The following GYS1 variants were observed in gnomAD, a reference collection of about 807,000 sequenced individuals.
GYS1 encodes glycogen [starch] synthase, muscle.
A neutral mutation model predicts 89.1 loss-of-function variants in GYS1; 60 were observed. That is an observed-to-expected ratio of 0.67 (90% CI 0.55 to 0.84). The LOEUF (loss-of-function observed/expected upper bound fraction) is 0.84. Among genes scored for constraint, GYS1 ranks in the 40% least tolerant of loss-of-function variants. GYS1 has a pLI of 0.00. For missense variants in GYS1, 888 were observed against 1,003.1 expected, an observed-to-expected ratio of 0.89 and a Z score of 1.55; for synonymous variants, 366 against 401.7, an observed-to-expected ratio of 0.91 and a Z score of 1.06.
intron 8 of GYS1, 160 bp downstream of exon 8, chr19:48,981,370 A>G: frequency 7.7e-6 from 5 of 648,272 alleles, no homozygotes; most frequent in Non-Finnish European, 1.1e-5. Flanking sequence ...CCAAGATCGC[A>G]CCACTACACT....
At position 48,982,263 on chromosome 19, in the gene GYS1, G is replaced by T; in HGVS notation, c.1054C>A (p.Leu352Met). The change falls in exon 7 of 16, where the codon CTG (leucine) becomes ATG (methionine). Residue 352 changes from leucine to methionine, a missense_variant. Coordinates refer to ENST00000323798, the MANE Select transcript of GYS1 (RefSeq NM_002103.5). ...CATAGCCCAGGCCTCACTCTGAGCA[G>T]ATAGTTGAGCCGAGCCAATGCCTCC... Reference protein sequence around the residue: ...FLEALARLNYLLRVNGSEQTV... With the variant: ...FLEALARLNYMLRVNGSEQTV... 6.2e-7 allele frequency: 1 copy of T among 1,613,668 alleles called. No individual in the cohort carries two copies. The highest frequency in any genetic ancestry group is 8.5e-7 in the Non-Finnish European group (1 of 1,179,784).
At chr19:48,987,593 T>G (rs978029107) in intron 2 of GYS1, among the ~76,000 whole-genome samples, 4 of 152,192 alleles carry the variant, frequency 2.6e-5, no homozygotes, top group Non-Finnish European at 5.9e-5. Flanking sequence ...GCTACACATT[T>G]TTTCCATCTC....
chr19:48,982,552 A>C (rs2038782969), intron 6 of GYS1, among the ~76,000 whole-genome samples, 168 bp downstream of exon 6: 1 of 151,910 alleles, frequency 6.6e-6, no homozygotes, highest in Admixed American at 6.6e-5. Context: ...ATTTCCTTTA[A>C]TCCTGAGCCC....
At chr19:48,992,419 G>A (rs1273966530) in intron 1 of GYS1, among the ~76,000 whole-genome samples, 3 of 131,704 alleles carry the variant, frequency 2.3e-5, no homozygotes, top group South Asian at 2.3e-4. Flanking sequence ...ATGTGTCCCA[G>A]GCCATGGGCT....
chr19:48,971,880 G>A (rs1600131645), intron 12 of GYS1, among the ~76,000 whole-genome samples: 2 of 140,626 alleles, frequency 1.4e-5, no homozygotes, highest in African/African-American at 2.7e-5. Flanking sequence ...TTTTTTTCTC[G>A]AGACAAGGTC....
chr19:48,975,901 G>C (rs1456603625), intron 10 of GYS1, among the ~76,000 whole-genome samples: 4 of 111,664 alleles, frequency 3.6e-5, no homozygotes, highest in Non-Finnish European at 6.6e-5. Context: ...GACAGAGCGA[G>C]ACTCCGTCTC....
In GYS1 at chr19:48,974,634, C is replaced by T. The variant is rs768930176; in HGVS notation, c.1408G>A (p.Ala470Thr). The T allele has an allele frequency of 1.2e-6, 2 of 1,612,922 alleles. No individual in the cohort carries two copies. Among genetic ancestry groups the T allele is most frequent in the Admixed American group, 1.7e-5 (1 of 59,994 alleles). The change falls in exon 11 of 16, where the codon GCC (alanine) becomes ACC (threonine). Residue 470 changes from alanine to threonine, a missense_variant. Coordinates refer to ENST00000323798, the MANE Select transcript of GYS1 (RefSeq NM_002103.5). ...IRRIGLFNSS[A>T]DRVKVIFHPE... ...AATGCCCTCACCTTCACCCTGTCGG[C>T]ACTGCTATTGAAGAGGCCGATTCGG... is the stretch of plus-strand genomic sequence containing the variant.
chr19:48,978,720 C>T (rs548755375), intron 8 of GYS1, among the ~76,000 whole-genome samples: 3 of 152,030 alleles, frequency 2.0e-5, no homozygotes, highest in East Asian at 1.9e-4. Context: ...TTAGTAGAGA[C>T]GGGGTTTCAC....
chr19:48,983,948 T>C (rs1204276710), intron 5 of GYS1, among the ~76,000 whole-genome samples: 1 of 152,170 alleles, frequency 6.6e-6, no homozygotes, highest in Non-Finnish European at 1.5e-5. Flanking sequence ...ATTCTTTAGG[T>C]AAAAAAATGG....
In GYS1 at chr19:48,982,352, T is replaced by G. The variant is rs2038778989; in HGVS notation, c.965A>C (p.Lys322Thr). The G allele has an allele frequency of 1.2e-6, 2 of 1,613,802 alleles. No individual in the cohort carries two copies. The highest frequency in any genetic ancestry group is 1.7e-6 in the Non-Finnish European group (2 of 1,179,916). The change falls in exon 7 of 16, where the codon AAG (lysine) becomes ACG (threonine). Residue 322 changes from lysine (K) to threonine (T), a missense_variant. Lys to Thr is a moderately conservative substitution (Grantham distance 78). Coordinates refer to ENST00000323798, the MANE Select transcript of GYS1 (RefSeq NM_002103.5). ...GCCGGCGATAAAGAAGTATAAGGTC[T>G]TGTCCAAGTTGAAGTCCAGATGCCT... The part of the protein sequence containing the change: ...FYGHLDFNLD[K>T]TLYFFIAGRY...
At position 48,984,178 on chromosome 19, in the gene GYS1, TG is replaced by T. The variant is rs1287245975; in HGVS notation, c.823+1282del. 5.9e-5 allele frequency among the ~76,000 whole-genome samples: 9 copies of T among 151,776 alleles called. No individual in the cohort carries two copies. In the South Asian group the frequency reaches 1.9e-3, roughly 32 times the overall value. ...CCTGCCACCATGCCCACCTAATTTTTGTATTTTTGGCAGAGAGGGGGTCTCA... is the reference window on the plus strand; with the variant it reads ...CCTGCCACCATGCCCACCTAATTTTTTATTTTTGGCAGAGAGGGGGTCTCA... On this transcript the variant is annotated intron_variant, in intron 5 of 15. Transcript: ENST00000323798.
chr19:48,979,377 T>G (rs1473280418), intron 8 of GYS1, among the ~76,000 whole-genome samples: 2 of 105,178 alleles, frequency 1.9e-5, no homozygotes, highest in Non-Finnish European at 3.9e-5. Context: ...TTTTTTTTTT[T>G]GAGACAGAGT....
In GYS1 at chr19:48,982,788, A is replaced by C. The variant is rs1356185309; in HGVS notation, c.873T>G (p.His291Gln). 1 of 1,613,986 alleles carries C rather than the reference A, an allele frequency of 6.2e-7. No individual in the cohort carries two copies. The highest frequency in any genetic ancestry group is 1.1e-5 in the South Asian group (1 of 91,084). Residue 291 changes from histidine (H) to glutamine (Q), a missense_variant, in exon 6 of 16, where the codon CAT (histidine) becomes CAG (glutamine). Coordinates refer to ENST00000323798, the MANE Select transcript of GYS1 (RefSeq NM_002103.5). ...TCTGAGCATGGAGGTTCTGGAACTC[A>C]TGCATGGCAGAAAACTTCTTCACAT... ...GLNVKKFSAM[H>Q]EFQNLHAQSK...
At chr19:48,983,063 T>C (rs775775587) in intron 5 of GYS1, among the ~76,000 whole-genome samples, 1 of 152,114 alleles carries the variant, frequency 6.6e-6, no homozygotes, top group Non-Finnish European at 1.5e-5. Flanking sequence ...CACAGCTCAT[T>C]GCATCCCTGA....
chr19:48,985,015 G>A (rs1039961870), intron 5 of GYS1, among the ~76,000 whole-genome samples: 2 of 152,194 alleles, frequency 1.3e-5, no homozygotes, highest in Non-Finnish European at 2.9e-5. Context: ...AGTAGGTTAG[G>A]TGTATTAAAT....
intron 8 of GYS1, among the ~76,000 whole-genome samples, chr19:48,979,986 C>T (rs375199868): frequency 7.6e-4 from 116 of 152,200 alleles, no homozygotes; most frequent in African/African-American, 2.6e-3. Context: ...ACTCTGTTGC[C>T]TAGGCTGGAG....
intron 8 of GYS1, among the ~76,000 whole-genome samples, chr19:48,979,255 G>A (rs142766155): frequency 0.011 from 1,641 of 151,008 alleles, 31 homozygotes; most frequent in African/African-American, 0.037. Context: ...ACAGCCCCAC[G>A]GTCACTCCTC....
chr19:48,992,965 G>T (rs1169236730), intron 1 of GYS1, 30 bp downstream of exon 1: 1 of 1,316,416 alleles, frequency 7.6e-7, no homozygotes, highest in Non-Finnish European at 1.1e-6. Flanking sequence ...TGTCCTTCTC[G>T]TCAAGGGCCC....
Position 48,981,544 on chromosome 19 carries a change from C to A in GYS1, c.1155G>T (p.Val385=). Residue 385 remains valine (V), a synonymous_variant, in exon 8 of 16, where the codon GTG becomes GTT. Transcript: ENST00000323798. Reference sequence around the variant, plus strand: ...GGGCTGCTAACCAAAGCTGTTTGCGCACAGCTTGGCCTTTGAGGGTTTCCA... The same window carrying A: ...GGGCTGCTAACCAAAGCTGTTTGCGAACAGCTTGGCCTTTGAGGGTTTCCA... ...FNVETLKGQA[V]RKQLWDTANT... 8.1e-6 allele frequency: 13 copies of A among 1,605,766 alleles called. No homozygotes were observed. Among genetic ancestry groups the A allele is most frequent in the Non-Finnish European group, 1.1e-5 (13 of 1,172,420 alleles).
Sources: gnomAD v4.1 joint callset for allele counts (sites outside exome capture counted in the v4.1 genomes callset) on GRCh38, gnomAD v4.1.1 for gene constraint, MANE v1.5 for transcripts, NCBI Gene and HGNC (gene_info 2026-07-23, HGNC 2026-07-21) for gene names.